Variants in CWC22 observed in about 807,000 individuals in gnomAD.
CWC22 encodes pre-mRNA-splicing factor CWC22 homolog.
Under a neutral mutation model 117.2 loss-of-function variants are expected in CWC22, and 53 were observed. That is an observed-to-expected ratio of 0.45 (90% CI 0.36 to 0.57). The LOEUF is 0.57. Among genes scored for constraint, CWC22 ranks in the 20% least tolerant of loss-of-function variants. The probability of loss-of-function intolerance (pLI) is 0.00; values close to 1 mark genes in which losing one functional copy is unlikely to be tolerated. For missense variants in CWC22, 980 were observed against 1,068.8 expected (o/e 0.92, Z 1.16); for synonymous variants, 360 against 355.6 (o/e 1.01, Z -0.14).
intron 3 of CWC22, 67 bp downstream of exon 3, chr2:179,988,510 G>A (rs1687476129): frequency 2.4e-6 from 2 of 825,340 alleles, no homozygotes; most frequent in Non-Finnish European, 3.8e-6. Flanking sequence ...AAATCTAAGA[G>A]CTAAATTATT....
At chr2:180,000,510 A>G (rs1462406341) in intron 1 of CWC22, among the ~76,000 whole-genome samples, 1 of 152,232 alleles carries the variant, frequency 6.6e-6, no homozygotes, top group Non-Finnish European at 1.5e-5. Flanking sequence ...TAGGCACTGC[A>G]GTTTTCTAAA....
chr2:179,950,555 T>C lies in CWC22; in HGVS notation c.2097A>G (p.Glu699=). ...SSDSSSESSS[E]ESDSSSISSH... Reference sequence around the variant, plus strand: ...TACTGATGGATGAAGAGTCGCTCTCTTCACTGGAAGACTCTGAACTGCTAT... The same window carrying C: ...TACTGATGGATGAAGAGTCGCTCTCCTCACTGGAAGACTCTGAACTGCTAT... The change falls in exon 19 of 20, where the codon GAA becomes GAG. Residue 699 remains glutamate, a synonymous_variant. Transcript: ENST00000410053. The C allele has an allele frequency of 3.7e-6, 6 of 1,613,166 alleles. No individual in the cohort carries two copies. Among genetic ancestry groups the C allele is most frequent in the Non-Finnish European group, 5.1e-6 (6 of 1,179,386 alleles).
intron 7 of CWC22, 124 bp from the exon 8 acceptor site, chr2:179,973,370 A>T (rs1257175470): frequency 5.6e-6 from 4 of 712,316 alleles, no homozygotes; most frequent in Non-Finnish European, 9.5e-6. Flanking sequence ...TTTTTACATT[A>T]TAAGAAAGTT....
At chr2:179,946,912 A>G (rs1481451482) in intron 19 of CWC22, among the ~76,000 whole-genome samples, 2 of 152,164 alleles carry the variant, frequency 1.3e-5, no homozygotes, top group Non-Finnish European at 2.9e-5. Context: ...TAGAGCCACA[A>G]AGGCTTAGTT....
At chr2:179,964,259 T>C (rs180829760) in intron 13 of CWC22, among the ~76,000 whole-genome samples, 1 of 152,350 alleles carries the variant, frequency 6.6e-6, no homozygotes, top group Non-Finnish European at 1.5e-5. Context: ...AACAGAATTA[T>C]TTTCAAGTTT....
At chr2:179,983,920 C>G (rs1316229705) in intron 4 of CWC22, among the ~76,000 whole-genome samples, 1 of 152,112 alleles carries the variant, frequency 6.6e-6, no homozygotes, top group Non-Finnish European at 1.5e-5. Flanking sequence ...GGTAAGAGAG[C>G]TAGCTGGCTG....
At chr2:179,988,770 A>G in intron 2 of CWC22, 126 bp from the exon 3 acceptor site, 1 of 543,050 alleles carries the variant, frequency 1.8e-6, no homozygotes, top group Non-Finnish European at 3.2e-6. Flanking sequence ...TAAATCATTA[A>G]GAATAATTCA....
chr2:179,976,095 C>T (rs1282742405), intron 6 of CWC22, among the ~76,000 whole-genome samples: 2 of 152,086 alleles, frequency 1.3e-5, no homozygotes, highest in Non-Finnish European at 2.9e-5. Context: ...AGAGATAAAT[C>T]CAGACATTGG....
intron 3 of CWC22, 140 bp downstream of exon 3, chr2:179,988,437 C>A: frequency 1.9e-6 from 1 of 533,490 alleles, no homozygotes; most frequent in Non-Finnish European, 3.3e-6. Flanking sequence ...ATTCCTCCTA[C>A]AGCCCATTCA....
intron 2 of CWC22, among the ~76,000 whole-genome samples, chr2:179,989,251 A>G (rs1687500168): frequency 6.7e-6 from 1 of 148,482 alleles, no homozygotes; most frequent in Admixed American, 6.8e-5. Flanking sequence ...TATAATAATA[A>G]TTATTATTAT....
chr2:179,981,006 A>G (rs1687272071), intron 5 of CWC22, among the ~76,000 whole-genome samples: 1 of 152,186 alleles, frequency 6.6e-6, no homozygotes, highest in Non-Finnish European at 1.5e-5. Context: ...GGGAAGGAGG[A>G]GTGTTTTAAG....
intron 13 of CWC22, among the ~76,000 whole-genome samples, chr2:179,961,531 T>C (rs562073077): frequency 6.6e-6 from 1 of 152,086 alleles, no homozygotes; most frequent in African/African-American, 2.4e-5. Flanking sequence ...AATTGATACA[T>C]TTTAATAATA....
At chr2:179,958,715 T>C (rs1443575903) in intron 14 of CWC22, among the ~76,000 whole-genome samples, 4 of 152,122 alleles carry the variant, frequency 2.6e-5, no homozygotes, top group African/African-American at 2.4e-5. Flanking sequence ...AGAACAAATT[T>C]CCTACTATAT....
intron 19 of CWC22, among the ~76,000 whole-genome samples, chr2:179,949,245 A>G (rs1294706137): frequency 6.6e-6 from 1 of 152,186 alleles, no homozygotes; most frequent in Non-Finnish European, 1.5e-5. Context: ...GCAGGGCTAG[A>G]GAGACAAGAA....
chr2:180,004,376 ACTTCTTTTTTTCTTCTT>A (rs1687918860), intron 1 of CWC22, among the ~76,000 whole-genome samples: 1 of 152,002 alleles, frequency 6.6e-6, no homozygotes, highest in Admixed American at 6.6e-5. Flanking sequence ...AGGAGAGTTA[ACTTCTTTTTTTCTTCTT>A]CTTCTTTTTT....
At chr2:179,977,469 G>C (rs1179146282) in intron 6 of CWC22, among the ~76,000 whole-genome samples, 1 of 152,164 alleles carries the variant, frequency 6.6e-6, no homozygotes, top group African/African-American at 2.4e-5. Flanking sequence ...GCCAGGCACA[G>C]AAAGACAAAT....
chr2:179,980,997 G>A (rs1687271877), intron 5 of CWC22, among the ~76,000 whole-genome samples: 1 of 152,044 alleles, frequency 6.6e-6, no homozygotes, highest in African/African-American at 2.4e-5. Flanking sequence ...TTCTGAAAAG[G>A]GAAGGAGGAG....
rs751393027 is a variant in CWC22 at position 179,945,691 on chromosome 2, T to C, written c.2165A>G (p.His722Arg). Residue 722 changes from histidine to arginine, a missense_variant, in exon 20 of 20, where the codon CAT (histidine) becomes CGT (arginine). Transcript: ENST00000410053. ...TACCTCTTTACTTCTGGTCTTCCCATGTCCCTTCTTTCTTACATCATTAGC... is the reference window on the plus strand; with the variant it reads ...TACCTCTTTACTTCTGGTCTTCCCACGTCCCTTCTTTCTTACATCATTAGC... ...ASANDVRKKG[H>R]GKTRSKEVDK... The C allele has an allele frequency of 3.1e-6, 5 of 1,596,952 alleles. No individual in the cohort carries two copies. The South Asian group carries it at 4.5e-5, about 14-fold the overall frequency.
intron 2 of CWC22, among the ~76,000 whole-genome samples, chr2:179,990,636 G>A (rs1481187528): frequency 1.3e-5 from 2 of 151,968 alleles, no homozygotes; most frequent in African/African-American, 4.8e-5. Flanking sequence ...CAATAAAACT[G>A]CATTATCTCC....
Sources: allele counts gnomAD v4.1 joint callset (sites outside exome capture counted in the v4.1 genomes callset), GRCh38; gene constraint gnomAD v4.1.1; transcripts MANE v1.5; gene names NCBI Gene and HGNC (gene_info 2026-07-23, HGNC 2026-07-21).